Variants in DGKB observed in about 807,000 individuals in gnomAD.
The protein encoded by DGKB is 90 kDa diacylglycerol kinase.
A neutral mutation model predicts 114.3 loss-of-function variants in DGKB; 67 were observed. The observed-to-expected ratio is 0.59, with a 90% CI of 0.48 to 0.72. The LOEUF (loss-of-function observed/expected upper bound fraction) is 0.72. Ranked by LOEUF, DGKB falls within the 30% of genes least tolerant of loss-of-function variation. The probability of loss-of-function intolerance (pLI) is 0.00; values close to 1 mark genes in which losing one functional copy is unlikely to be tolerated. For missense variants in DGKB, 907 were observed against 975.2 expected, an observed-to-expected ratio of 0.93 and a Z score of 0.93; for synonymous variants, 398 against 323.1, an observed-to-expected ratio of 1.23 and a Z score of -2.49.
chr7:14,812,970 G>C (rs1843638672), intron 2 of DGKB, among the ~76,000 whole-genome samples: 1 of 152,022 alleles, frequency 6.6e-6, no homozygotes, highest in Admixed American at 6.6e-5. Context: ...ATATGACTTT[G>C]AGAACACATG....
chr7:14,175,819 G>T (rs966765288), intron 25 of DGKB, among the ~76,000 whole-genome samples: 4 of 149,224 alleles, frequency 2.7e-5, no homozygotes, highest in Non-Finnish European at 5.9e-5. Context: ...TCTTTTTTTT[G>T]GGGGGGATGG....
chr7:14,783,201 G>T (rs986021475), intron 2 of DGKB, among the ~76,000 whole-genome samples: 7 of 152,100 alleles, frequency 4.6e-5, no homozygotes, highest in Non-Finnish European at 8.8e-5. Flanking sequence ...ATGAATAAAA[G>T]AGCTGATTGT....
chr7:14,790,106 T>C (rs550191889), intron 2 of DGKB, among the ~76,000 whole-genome samples: 1 of 152,354 alleles, frequency 6.6e-6, no homozygotes, highest in East Asian at 1.9e-4. Context: ...ACAATATCTG[T>C]TCATGCCTTT....
intron 1 of DGKB, among the ~76,000 whole-genome samples, chr7:14,964,986 C>T (rs987103964): frequency 2.0e-5 from 3 of 151,968 alleles, no homozygotes; most frequent in Non-Finnish European, 2.9e-5. Context: ...TTGACTAGAT[C>T]TGAGTAGTGA....
chr7:14,698,435 T>A (rs1402776897), intron 7 of DGKB, among the ~76,000 whole-genome samples: 1 of 152,122 alleles, frequency 6.6e-6, no homozygotes, highest in Non-Finnish European at 1.5e-5. Context: ...TTTCTTCTAC[T>A]AAAAGAGAGT....
At chr7:14,747,775 G>GCGCGCGTGCGCGCGCACACACACA in intron 4 of DGKB, among the ~76,000 whole-genome samples, 218 of 149,276 alleles carry the variant, frequency 1.5e-3, no homozygotes, top group African/African-American at 4.9e-3. Context: ...ACATCCACGC[G>GCGCGCGTGCGCGCGCACACACACA]CACGCACACA....
chr7:14,893,271 A>G (rs1032855452), intron 1 of DGKB, among the ~76,000 whole-genome samples: 2 of 151,236 alleles, frequency 1.3e-5, no homozygotes, highest in Admixed American at 6.6e-5. Context: ...TTCAAATCCA[A>G]TGAGTATGTT....
At chr7:14,536,188 C>T (rs916793956) in intron 20 of DGKB, among the ~76,000 whole-genome samples, 2 of 152,006 alleles carry the variant, frequency 1.3e-5, no homozygotes, top group African/African-American at 4.8e-5. Flanking sequence ...AATCTCAGGA[C>T]CAGATGGCTT....
At chr7:14,612,405 A>G (rs1208367926) in intron 16 of DGKB, among the ~76,000 whole-genome samples, 1 of 151,842 alleles carries the variant, frequency 6.6e-6, no homozygotes, top group African/African-American at 2.4e-5. Flanking sequence ...TCCTGACCTC[A>G]TGGTCTGCCC....
chr7:14,778,579 T>C (rs889926190), intron 2 of DGKB, among the ~76,000 whole-genome samples: 1 of 152,186 alleles, frequency 6.6e-6, no homozygotes, highest in South Asian at 2.1e-4. Context: ...TGCTTGATTT[T>C]TTAGAAGGTA....
At chr7:14,250,461 A>G (rs1012546584) in intron 23 of DGKB, among the ~76,000 whole-genome samples, 4 of 152,036 alleles carry the variant, frequency 2.6e-5, no homozygotes. Flanking sequence ...TTAATTTTCC[A>G]ATATTCTTCC....
At chr7:14,680,593 C>A (rs1478082993) in intron 12 of DGKB, among the ~76,000 whole-genome samples, 3 of 151,710 alleles carry the variant, frequency 2.0e-5, no homozygotes, top group African/African-American at 7.3e-5. Flanking sequence ...AAACAAAAAG[C>A]AAAACCATGA....
intron 1 of DGKB, among the ~76,000 whole-genome samples, chr7:14,969,880 C>A (rs73290606): frequency 6.6e-6 from 1 of 152,122 alleles, no homozygotes; most frequent in Non-Finnish European, 1.5e-5. Context: ...TATTGAAACA[C>A]ATCTAAACAT....
chr7:14,718,729 G>C (rs755556310), intron 5 of DGKB, 44 bp from the exon 6 acceptor site: 1 of 1,401,328 alleles, frequency 7.1e-7, no homozygotes, highest in Non-Finnish European at 9.9e-7. Flanking sequence ...TATTTACAGT[G>C]ATCTCAAACA....
In DGKB at chr7:14,682,550, C is replaced by T. The variant is rs1478035040; in HGVS notation, c.1035+3G>A. 7 of 1,601,490 alleles carry T rather than the reference C, an allele frequency of 4.4e-6. No homozygotes were observed. Among genetic ancestry groups the T allele is most frequent in the Admixed American group, 1.7e-5 (1 of 59,916 alleles). On this transcript the variant is annotated splice_donor_region_variant and intron_variant, in intron 12 of 25. Transcript: ENST00000402815. ...TGGGATTTGTTTTCCAATTTTTACT[C>T]ACTGTGATCTGACACCAAACACAAT... is the stretch of plus-strand genomic sequence containing the variant.
At chr7:14,588,532 C>T (rs925376604) in intron 17 of DGKB, among the ~76,000 whole-genome samples, 5 of 152,002 alleles carry the variant, frequency 3.3e-5, no homozygotes, top group African/African-American at 1.2e-4. Flanking sequence ...TTTCTTCTCT[C>T]CCCACTTTCT....
intron 2 of DGKB, among the ~76,000 whole-genome samples, chr7:14,795,471 A>G (rs1328456747): frequency 6.6e-6 from 1 of 152,204 alleles, no homozygotes; most frequent in Non-Finnish European, 1.5e-5. Flanking sequence ...CTACTTACCC[A>G]TAGTGGGAGA....
intron 1 of DGKB, among the ~76,000 whole-genome samples, chr7:14,856,517 G>A (rs1392086281): frequency 1.3e-5 from 2 of 151,922 alleles, no homozygotes; most frequent in Non-Finnish European, 2.9e-5. Flanking sequence ...CATTTTACAT[G>A]TTTGAACTTT....
At chr7:14,834,843 G>C (rs1438749415) in intron 2 of DGKB, among the ~76,000 whole-genome samples, 2 of 152,098 alleles carry the variant, frequency 1.3e-5, no homozygotes, top group East Asian at 3.8e-4. Context: ...GGTCAAGTCT[G>C]AAAAGAGCTT....
Sources: allele counts gnomAD v4.1 joint callset (sites outside exome capture counted in the v4.1 genomes callset), GRCh38; gene constraint gnomAD v4.1.1; transcripts MANE v1.5; gene names NCBI Gene and HGNC (gene_info 2026-07-23, HGNC 2026-07-21).